The following ZBTB24 variants were observed in gnomAD, a reference collection of about 807,000 sequenced individuals.
ZBTB24 encodes zinc finger and BTB domain containing 24.
A neutral mutation model predicts 53.8 loss-of-function variants in ZBTB24; 32 were observed. The observed-to-expected ratio is 0.60, with a 90% CI of 0.45 to 0.80. The LOEUF (loss-of-function observed/expected upper bound fraction) is 0.80. ZBTB24 is among the 30% of genes least tolerant of loss of function. The pLI, the probability that ZBTB24 is intolerant of heterozygous loss-of-function variation, is 0.00. For missense variants in ZBTB24, 722 were observed against 837.1 expected (o/e 0.86, Z 1.70); for synonymous variants, 297 against 306.7 (o/e 0.97, Z 0.33).
intron 1 of ZBTB24, among the ~76,000 whole-genome samples, chr6:109,482,361 G>A (rs535316748): frequency 3.9e-4 from 60 of 152,200 alleles, no homozygotes; most frequent in Non-Finnish European, 7.5e-4. Context: ...AGCTACTCAG[G>A]AGGCTGCGGC....
intron 1 of ZBTB24, 51 bp from the exon 2 acceptor site, chr6:109,482,105 T>A (rs1776432500): frequency 1.6e-6 from 2 of 1,269,790 alleles, no homozygotes; most frequent in Non-Finnish European, 2.3e-6. Context: ...TCTAAAAGGT[T>A]AATGCCAGCC....
At chr6:109,472,730 T>A (rs971095814) in intron 5 of ZBTB24, among the ~76,000 whole-genome samples, 1 of 152,226 alleles carries the variant, frequency 6.6e-6, no homozygotes, top group Admixed American at 6.5e-5. Flanking sequence ...CACCTGCACA[T>A]GGATGTCAAA....
At chr6:109,480,888 C>T in intron 2 of ZBTB24, 187 bp downstream of exon 2, 1 of 1,363,836 alleles carries the variant, frequency 7.3e-7, no homozygotes, top group Non-Finnish European at 9.6e-7. Context: ...TGATTTTAAT[C>T]ATACAATGTA....
chr6:109,467,706 A>G lies in ZBTB24; in HGVS notation c.1317T>C (p.Cys439=). ...TGEKPFTCEI[C]GKSFTAKSSL... ...AACTCTTTGCTGTGAAAGATTTGCC[A>G]CAGATTTCACAAGTAAATGGCTTCT... The change falls in exon 6 of 7, where the codon TGT becomes TGC. Residue 439 remains cysteine (C), a synonymous_variant. Coordinates refer to ENST00000230122, the MANE Select transcript of ZBTB24 (RefSeq NM_014797.3). 6.2e-7 allele frequency: 1 copy of G among 1,614,202 alleles called. No homozygotes were observed.
In ZBTB24 at chr6:109,476,826, T is replaced by G. The variant is rs866429303; in HGVS notation, c.1057A>C (p.Thr353Pro). Residue 353 changes from threonine (T) to proline (P), a missense_variant, in exon 3 of 7, where the codon ACC (threonine) becomes CCC (proline). Transcript: ENST00000230122. ...MHTGERPYTC[T>P]VCSKALTTKH... ...GTGGTCAGAGCCTTGCTGCACACGGTGCAGGTGTACGGCCGCTCGCCTGTG... is the reference window on the plus strand; with the variant it reads ...GTGGTCAGAGCCTTGCTGCACACGGGGCAGGTGTACGGCCGCTCGCCTGTG... 1 of 1,614,104 alleles carries G rather than the reference T, an allele frequency of 6.2e-7. No homozygotes were observed. Among genetic ancestry groups the G allele is most frequent in the Middle Eastern group, 1.7e-4 (1 of 6,048 alleles).
chr6:109,480,865 A>G (rs1361337391), intron 2 of ZBTB24: 5 of 842,820 alleles, frequency 5.9e-6, no homozygotes, highest in Admixed American at 6.2e-5. Flanking sequence ...CCTCTCTTAC[A>G]TATGAGTAAA....
chr6:109,466,305 G>A lies in ZBTB24; in HGVS notation c.1640C>T (p.Ser547Leu), dbSNP rs1562299151. 2.5e-6 allele frequency: 4 copies of A among 1,614,182 alleles called. No individual in the cohort carries two copies. Among genetic ancestry groups the A allele is most frequent in the Middle Eastern group, 1.6e-4 (1 of 6,062 alleles). The stretch of plus-strand genomic sequence containing the variant: ...GAGAAGCTGAATTTCCTGCTCTCCC[G>A]AGGTAGAGAGTTGATATGGCTGTAG... Reference protein sequence around the residue: ...LQLQPYQLSTSGEQEIQLLVT... With the variant: ...LQLQPYQLSTLGEQEIQLLVT... Residue 547 changes from serine (S) to leucine (L), a missense_variant, in exon 7 of 7, where the codon TCG (serine) becomes TTG (leucine). Transcript: ENST00000230122.
chr6:109,467,938 A>C (rs1000258667), intron 5 of ZBTB24, among the ~76,000 whole-genome samples: 1 of 152,196 alleles, frequency 6.6e-6, no homozygotes, highest in Non-Finnish European at 1.5e-5. Flanking sequence ...GCCGAGTGCC[A>C]AGAGCATACA....
In ZBTB24 at chr6:109,466,385, A is replaced by C; in HGVS notation, c.1560T>G (p.Asp520Glu). ...TACTACTGCCAGAAATGCTGCTGGC[A>C]TCTGAAGCATGCTTCTCCTTGCTAT... ...KIHSKEKHASDASSISGSSNT... is the reference protein window; with the variant it reads ...KIHSKEKHASEASSISGSSNT... Residue 520 changes from aspartate to glutamate, a missense_variant, in exon 7 of 7, where the codon GAT becomes GAG. Asp to Glu is a conservative substitution (Grantham distance 45). Coordinates refer to ENST00000230122, the MANE Select transcript of ZBTB24 (RefSeq NM_014797.3). 1 of 1,614,212 alleles carries C rather than the reference A, an allele frequency of 6.2e-7. No homozygotes were observed. Among genetic ancestry groups the C allele is most frequent in the Non-Finnish European group, 8.5e-7 (1 of 1,180,050 alleles).
chr6:109,474,085 C>CAA (rs56295486), intron 5 of ZBTB24, among the ~76,000 whole-genome samples: 4 of 103,560 alleles, frequency 3.9e-5, no homozygotes, highest in Admixed American at 1.0e-4. Context: ...ACAGTGACTC[C>CAA]AAAAAAAAAA....
chr6:109,466,062 C>T lies in ZBTB24; in HGVS notation c.1883G>A (p.Gly628Glu). The change falls in exon 7 of 7, where the codon GGG (glycine) becomes GAG (glutamate). Residue 628 changes from glycine to glutamate, a missense_variant. Transcript: ENST00000230122. ...QSLNMIESQM[G>E]PSQTEPVHVI... is the part of the protein sequence containing the mutation. ...GTGCACTGGCTCTGTTTGTGAGGGC[C>T]CCATCTGGCTTTCAATCATATTGAG... The T allele has an allele frequency of 6.2e-7, 1 of 1,614,154 alleles. No homozygotes were observed. The highest frequency in any genetic ancestry group is 1.3e-5 in the African/African-American group (1 of 75,014).
intron 5 of ZBTB24, among the ~76,000 whole-genome samples, chr6:109,471,421 C>T (rs572492511): frequency 6.6e-6 from 1 of 152,332 alleles, no homozygotes; most frequent in South Asian, 2.1e-4. Flanking sequence ...ATGGTCTCAA[C>T]ACACAGTTGA....
chr6:109,475,107 CAT>C (rs960967014), intron 5 of ZBTB24, among the ~76,000 whole-genome samples: 2 of 141,698 alleles, frequency 1.4e-5, no homozygotes, highest in Non-Finnish European at 3.1e-5. Context: ...AAGAGTGAAA[CAT>C]AGAACCAGAC....
chr6:109,469,584 A>G (rs1361261941), intron 5 of ZBTB24, among the ~76,000 whole-genome samples: 1 of 152,172 alleles, frequency 6.6e-6, no homozygotes, highest in Non-Finnish European at 1.5e-5. Flanking sequence ...ACCACCTTCA[A>G]TGGAGACACC....
chr6:109,478,884 A>C (rs1042657697), intron 2 of ZBTB24, among the ~76,000 whole-genome samples: 2 of 152,100 alleles, frequency 1.3e-5, no homozygotes, highest in African/African-American at 2.4e-5. Flanking sequence ...TATCATTAAC[A>C]TGCTCATAGA....
intron 5 of ZBTB24, among the ~76,000 whole-genome samples, chr6:109,470,598 C>A (rs765208714): frequency 6.6e-6 from 1 of 152,246 alleles, no homozygotes; most frequent in Non-Finnish European, 1.5e-5. Flanking sequence ...ATCACAGTGA[C>A]ACCTCCCATT....
Position 109,463,384 on chromosome 6 carries a change from T to C in ZBTB24, c.*2467A>G, listed in dbSNP as rs2115350503. 6.6e-6 allele frequency: 1 copy of C among 152,358 alleles called. No individual in the cohort carries two copies. Among genetic ancestry groups the C allele is most frequent in the Admixed American group, 6.5e-5 (1 of 15,304 alleles). The allele number at this position is 152,358 out of a possible 1,614,324, so 9.4% of individuals were successfully genotyped here. On this transcript the variant is annotated 3_prime_UTR_variant, in exon 7 of 7. Transcript: ENST00000230122. ...CATTTCCTTGTTTCTCTTTGACAGCTGGTCAAATAATTCAGGCATAGCTAG... is the reference window on the plus strand; with the variant it reads ...CATTTCCTTGTTTCTCTTTGACAGCCGGTCAAATAATTCAGGCATAGCTAG...
intron 1 of ZBTB24, 90 bp from the exon 2 acceptor site, chr6:109,482,144 A>G: frequency 4.3e-6 from 4 of 936,066 alleles, no homozygotes; most frequent in Non-Finnish European, 6.7e-6. Flanking sequence ...ACTTCACATC[A>G]TTAACTGAAT....
At chr6:109,474,497 C>T (rs1353794592) in intron 5 of ZBTB24, among the ~76,000 whole-genome samples, 1 of 152,200 alleles carries the variant, frequency 6.6e-6, no homozygotes, top group South Asian at 2.1e-4. Flanking sequence ...CTTTGGGAGG[C>T]CAAGGTGGGC....
Sources: allele counts gnomAD v4.1 joint callset (sites outside exome capture counted in the v4.1 genomes callset), GRCh38; gene constraint gnomAD v4.1.1; transcripts MANE v1.5; gene names NCBI Gene and HGNC (gene_info 2026-07-23, HGNC 2026-07-21).